The following ABCC4 variants were observed in gnomAD, a reference collection of about 807,000 sequenced individuals.
The protein encoded by ABCC4 is ATP binding cassette subfamily C member 4 (PEL blood group).
ABCC4 carries 102 observed loss-of-function variants against 168.5 expected under a neutral mutation model. The ratio of observed to expected loss-of-function variants is 0.61; its 90% CI spans 0.52 to 0.71. ABCC4 has a LOEUF of 0.71. Ranked by LOEUF, ABCC4 falls within the 30% of genes least tolerant of loss-of-function variation. The probability of loss-of-function intolerance (pLI) is 0.00; values close to 1 mark genes in which losing one functional copy is unlikely to be tolerated. For synonymous variants in ABCC4, 617 were observed against 590.7 expected, an observed-to-expected ratio of 1.04 and a Z score of -0.65; for missense variants, 1,402 against 1,605.8, an observed-to-expected ratio of 0.87 and a Z score of 2.17.
chr13:95,125,969 A>G (rs1414133283), intron 19 of ABCC4, among the ~76,000 whole-genome samples: 1 of 152,138 alleles, frequency 6.6e-6, no homozygotes, highest in East Asian at 1.9e-4. Context: ...GCTCTCAAAC[A>G]CTGCATGGCC....
intron 1 of ABCC4, among the ~76,000 whole-genome samples, chr13:95,254,938 G>A (rs541636658): frequency 7.9e-5 from 12 of 152,244 alleles, no homozygotes; most frequent in African/African-American, 2.4e-4. Context: ...GATTTGTCAC[G>A]TGAATGAACA....
At chr13:95,269,273 C>T (rs768766611) in intron 1 of ABCC4, 4 of 426,156 alleles carry the variant, frequency 9.4e-6, no homozygotes, top group South Asian at 6.3e-5. Flanking sequence ...CTTCCAAATA[C>T]AGAGCCTACA....
chr13:95,196,637 G>A (rs866624472), intron 8 of ABCC4, among the ~76,000 whole-genome samples: 56 of 7,836 alleles, frequency 7.1e-3, no homozygotes, highest in African/African-American at 8.5e-3. Flanking sequence ...AGGAAGGAAG[G>A]AAGGAAGGAA....
chr13:95,083,431 T>A (rs1473216836), intron 20 of ABCC4, 141 bp from the exon 21 acceptor site: 1 of 963,148 alleles, frequency 1.0e-6, no homozygotes, highest in Non-Finnish European at 1.5e-6. Flanking sequence ...TACAAAGGAA[T>A]AACAAAAGTA....
intron 1 of ABCC4, among the ~76,000 whole-genome samples, chr13:95,250,448 G>C (rs1460454500): frequency 6.6e-6 from 1 of 152,186 alleles, no homozygotes; most frequent in African/African-American, 2.4e-5. Flanking sequence ...AACAGTTATG[G>C]AAAGAATGAA....
chr13:95,186,948 C>G, intron 10 of ABCC4, 56 bp from the exon 11 acceptor site: 2 of 1,461,362 alleles, frequency 1.4e-6, no homozygotes, highest in Non-Finnish European at 1.8e-6. Flanking sequence ...CAAGAATAAG[C>G]CACTGCAATG....
intron 1 of ABCC4, among the ~76,000 whole-genome samples, chr13:95,287,348 G>A (rs896928253): frequency 3.9e-5 from 6 of 151,920 alleles, no homozygotes; most frequent in African/African-American, 9.7e-5. Context: ...CAGCACTTTG[G>A]GAGGCTAAGG....
At chr13:95,045,841 G>C (rs1015290569) in intron 27 of ABCC4, among the ~76,000 whole-genome samples, 17 of 152,088 alleles carry the variant, frequency 1.1e-4, no homozygotes, top group Middle Eastern at 3.2e-3. Context: ...AAGAGTAAAC[G>C]GGTAACATTG....
intron 19 of ABCC4, among the ~76,000 whole-genome samples, chr13:95,149,215 C>A (rs768753919): frequency 3.9e-5 from 6 of 152,180 alleles, no homozygotes; most frequent in Non-Finnish European, 8.8e-5. Flanking sequence ...TCTAGTGACA[C>A]TGATCACTCA....
chr13:95,290,854 G>A (rs7324820), intron 1 of ABCC4, among the ~76,000 whole-genome samples: 23,172 of 146,582 alleles, frequency 0.16, 1,888 homozygotes, highest in East Asian at 0.25. Flanking sequence ...AAAATTAGCC[G>A]GGTGTGGTGG....
chr13:95,205,083 C>G (rs1258584451), intron 8 of ABCC4, among the ~76,000 whole-genome samples: 1 of 152,178 alleles, frequency 6.6e-6, no homozygotes, highest in African/African-American at 2.4e-5. Flanking sequence ...TGTTACTGAC[C>G]TGCATGGACC....
chr13:95,163,534 C>T (rs945135899), intron 17 of ABCC4, 76 bp downstream of exon 17: 5 of 1,307,286 alleles, frequency 3.8e-6, no homozygotes, highest in Non-Finnish European at 5.5e-6. Context: ...ACAAACACCT[C>T]CCTCTAACTC....
chr13:95,080,489 C>T (rs2034058683), intron 21 of ABCC4, among the ~76,000 whole-genome samples: 2 of 152,170 alleles, frequency 1.3e-5, no homozygotes, highest in South Asian at 4.1e-4. Flanking sequence ...CCTCTGCCTC[C>T]TGGGTTCAAG....
rs140828386 is a variant in ABCC4, at chr13:95,234,461, G to A, written c.531+149C>T. ...GATTCTATTTACAGAAGTTTTCTTC[G>A]TTTTTCTTTTTTTAGAGACAGGGTC... On this transcript the variant is annotated intron_variant, in intron 4 of 30. Transcript: ENST00000645237. The A allele has an allele frequency of 8.6e-4, 512 of 597,108 alleles. 1 individual carries two copies. The highest frequency in any genetic ancestry group is 9.0e-4 in the Non-Finnish European group (317 of 350,898). 37.0% of individuals were successfully genotyped at this position (597,108 alleles called of 1,614,324 possible). A position where few individuals can be genotyped will look rare whatever the true frequency, so the allele number is the denominator to read the frequency against.
At chr13:95,072,388 G>A (rs1228451667) in intron 24 of ABCC4, among the ~76,000 whole-genome samples, 1 of 152,128 alleles carries the variant, frequency 6.6e-6, no homozygotes, top group East Asian at 1.9e-4. Flanking sequence ...TTGAACCCGG[G>A]AGGCGGAGGT....
chr13:95,272,007 C>A (rs540766841), intron 1 of ABCC4, among the ~76,000 whole-genome samples: 7 of 152,178 alleles, frequency 4.6e-5, no homozygotes, highest in African/African-American at 1.4e-4. Flanking sequence ...CCTGAGATAA[C>A]TTCCTCAGAG....
At chr13:95,276,414 CAA>C (rs60996116) in intron 1 of ABCC4, among the ~76,000 whole-genome samples, 50 of 87,608 alleles carry the variant, frequency 5.7e-4, no homozygotes, top group East Asian at 1.8e-3. Flanking sequence ...GACCCATCTC[CAA>C]AAAAAAAAAA....
intron 4 of ABCC4, among the ~76,000 whole-genome samples, chr13:95,228,526 G>C (rs1232639090): frequency 6.6e-6 from 1 of 152,146 alleles, no homozygotes; most frequent in African/African-American, 2.4e-5. Context: ...TGTAATCCCA[G>C]CACTTTGAGA....
At chr13:95,132,396 A>G (rs907350221) in intron 19 of ABCC4, among the ~76,000 whole-genome samples, 1 of 152,034 alleles carries the variant, frequency 6.6e-6, no homozygotes, top group African/African-American at 2.4e-5. Flanking sequence ...TTGTATTTTT[A>G]GTAGAGACAG....
Sources: allele counts gnomAD v4.1 joint callset (sites outside exome capture counted in the v4.1 genomes callset), GRCh38; gene constraint gnomAD v4.1.1; transcripts MANE v1.5; gene names NCBI Gene and HGNC (gene_info 2026-07-23, HGNC 2026-07-21).